The following BRAP variants were observed in gnomAD, a reference collection of about 807,000 sequenced individuals.
The protein encoded by BRAP is BRCA1 associated protein, also known as BRCA1-associated protein.
Under a neutral mutation model 73.4 loss-of-function variants are expected in BRAP, and 42 were observed. That is an observed-to-expected ratio of 0.57 (90% CI 0.45 to 0.74). BRAP has a LOEUF of 0.74. Among genes scored for constraint, BRAP ranks in the 30% least tolerant of loss-of-function variants. BRAP has a pLI of 0.00. For synonymous variants in BRAP, 255 were observed against 267.4 expected (o/e 0.95, Z 0.45); for missense variants, 593 against 751.4 (o/e 0.79, Z 2.46).
intron 10 of BRAP, among the ~76,000 whole-genome samples, chr12:111,652,910 C>T (rs923356246): frequency 3.9e-5 from 6 of 151,978 alleles, no homozygotes; most frequent in East Asian, 1.9e-4. Flanking sequence ...GGGATTTCAC[C>T]GTGTTAGCCA....
chr12:111,682,609 TG>T (rs1444989835), intron 2 of BRAP, among the ~76,000 whole-genome samples: 1 of 148,160 alleles, frequency 6.7e-6, no homozygotes, highest in Non-Finnish European at 1.5e-5. Flanking sequence ...CTGAACTAGG[TG>T]GTAAGAAATT....
intron 6 of BRAP, 32 bp from the exon 7 acceptor site, chr12:111,660,707 G>A (rs1286891168): frequency 2.5e-6 from 4 of 1,569,380 alleles, no homozygotes; most frequent in Non-Finnish European, 3.4e-6. Context: ...AATGGTGCAG[G>A]TTAAATATAA....
intron 5 of BRAP, among the ~76,000 whole-genome samples, chr12:111,668,106 C>T (rs1465088408): frequency 3.9e-5 from 6 of 152,054 alleles, no homozygotes; most frequent in Non-Finnish European, 8.8e-5. Flanking sequence ...ACTCAGGAGG[C>T]TGAGGCAGGA....
chr12:111,650,137 T>C (rs934482199), intron 10 of BRAP, 95 bp from the exon 11 acceptor site: 1 of 827,846 alleles, frequency 1.2e-6, no homozygotes, highest in Non-Finnish European at 1.8e-6. Context: ...ATTATCTGTA[T>C]ATAACTTTGA....
intron 5 of BRAP, among the ~76,000 whole-genome samples, chr12:111,671,681 C>CTTTT (rs980479092): frequency 1.5e-4 from 17 of 113,084 alleles, no homozygotes; most frequent in Non-Finnish European, 2.0e-4. Flanking sequence ...AACAGAGAGA[C>CTTTT]TTTTTTTTTT....
intron 10 of BRAP, among the ~76,000 whole-genome samples, chr12:111,650,836 T>C (rs964091187): frequency 6.6e-6 from 1 of 152,216 alleles, no homozygotes; most frequent in African/African-American, 2.4e-5. Context: ...CCATGTTCTT[T>C]TGAGTCTATT....
intron 4 of BRAP, among the ~76,000 whole-genome samples, chr12:111,676,313 G>A (rs1470691342): frequency 6.6e-6 from 1 of 152,218 alleles, no homozygotes; most frequent in Non-Finnish European, 1.5e-5. Flanking sequence ...CCCAGGCTAT[G>A]GAGTCAGGCT....
chr12:111,652,284 T>C (rs544867990), intron 10 of BRAP, among the ~76,000 whole-genome samples: 2 of 151,694 alleles, frequency 1.3e-5, no homozygotes, highest in South Asian at 4.2e-4. Flanking sequence ...AGTGCAGTGG[T>C]GCAATCTCGG....
Position 111,644,277 on chromosome 12 carries a change from G to C in BRAP, c.1701C>G (p.Ala567=). The change falls in exon 12 of 12, where the codon GCC becomes GCG. Residue 567 remains alanine (A), a synonymous_variant. Coordinates refer to ENST00000419234, the MANE Select transcript of BRAP (RefSeq NM_006768.5). ...IQEGQINIAM[A]SASSPASSGG... is the part of the protein sequence containing the mutation. ...CCGAAGAGGCAGGGCTCGAGGCCGA[G>C]GCCATGGCGATGTTGATCTGTCCCT... 1 of 1,614,124 alleles carries C rather than the reference G, an allele frequency of 6.2e-7. No individual in the cohort carries two copies. The highest frequency in any genetic ancestry group is 8.5e-7 in the Non-Finnish European group (1 of 1,180,042).
Position 111,660,694 on chromosome 12 carries a change from G to C in BRAP, c.897-19C>G. The C allele has an allele frequency of 6.3e-7, 1 of 1,588,540 alleles. No homozygotes were observed. The highest frequency in any genetic ancestry group is 8.5e-7 in the Non-Finnish European group (1 of 1,169,634). ...AGGACACCTATCCAGGACACCAAAA[G>C]ATAATGGTGCAGGTTAAATATAAAA... On this transcript the variant is annotated intron_variant, in intron 6 of 11. Coordinates refer to ENST00000419234, the MANE Select transcript of BRAP (RefSeq NM_006768.5).
At chr12:111,661,746 C>T (rs1423697848) in intron 6 of BRAP, among the ~76,000 whole-genome samples, 3 of 147,190 alleles carry the variant, frequency 2.0e-5, no homozygotes, top group African/African-American at 7.6e-5. Flanking sequence ...GAGTCCTGCT[C>T]TGTCACTCAG....
chr12:111,659,555 G>A (rs937641273), intron 7 of BRAP, among the ~76,000 whole-genome samples: 3 of 152,204 alleles, frequency 2.0e-5, no homozygotes, highest in Non-Finnish European at 2.9e-5. Context: ...TCAGGAGGCT[G>A]AGGCAAGAGA....
chr12:111,664,829 C>T (rs796917813), intron 6 of BRAP, among the ~76,000 whole-genome samples: 22 of 152,276 alleles, frequency 1.4e-4, no homozygotes, highest in African/African-American at 4.3e-4. Context: ...GCTCTTTACC[C>T]GGCTTAACTC....
In BRAP at chr12:111,659,352, G is replaced by A; in HGVS notation, c.973-7C>T. On this transcript the variant is annotated splice_polypyrimidine_tract_variant and splice_region_variant and intron_variant, in intron 7 of 11. Transcript: ENST00000419234. Reference sequence around the variant, plus strand: ...TTAAACAAATCCAAAGATTCTGCCGGAAGAGGTAAGATCTTAATTAGTTAA... The same window carrying A: ...TTAAACAAATCCAAAGATTCTGCCGAAAGAGGTAAGATCTTAATTAGTTAA... 1 of 1,610,618 alleles carries A rather than the reference G, an allele frequency of 6.2e-7. No individual in the cohort carries two copies. Among genetic ancestry groups the A allele is most frequent in the Non-Finnish European group, 8.5e-7 (1 of 1,177,984 alleles).
At chr12:111,658,703 A>G in intron 9 of BRAP, 33 bp downstream of exon 9, 1 of 1,389,982 alleles carries the variant, frequency 7.2e-7, no homozygotes, top group Non-Finnish European at 1.0e-6. Context: ...AGCAGTAGAA[A>G]CAGATAGAGT....
intron 4 of BRAP, among the ~76,000 whole-genome samples, chr12:111,676,186 CTT>C (rs1310808955): frequency 1.3e-5 from 2 of 152,046 alleles, no homozygotes; most frequent in African/African-American, 4.8e-5. Context: ...CCTCACAACT[CTT>C]TCAGCTAAAG....
rs749463884 is a variant in BRAP at position 111,643,883 on chromosome 12, C to T, written c.*316G>A. The T allele has an allele frequency of 9.3e-5, 28 of 301,062 alleles. No individual in the cohort carries two copies. Among genetic ancestry groups the T allele is most frequent in the African/African-American group, 1.9e-4 (9 of 46,892 alleles). The allele number at this position is 301,062 out of a possible 1,614,324, so 18.6% of individuals were successfully genotyped here. A position where few individuals can be genotyped will look rare whatever the true frequency, so the allele number is the denominator to read the frequency against. Reference sequence around the variant, plus strand: ...CTACCCCAGAACTGAATGTCAAATACGCCAACTCCATAAATACAATGGAAA... The same window carrying T: ...CTACCCCAGAACTGAATGTCAAATATGCCAACTCCATAAATACAATGGAAA... On this transcript the variant is annotated 3_prime_UTR_variant, in exon 12 of 12. Transcript: ENST00000419234.
intron 4 of BRAP, among the ~76,000 whole-genome samples, chr12:111,674,792 G>A (rs1286967112): frequency 6.6e-6 from 1 of 152,186 alleles, no homozygotes; most frequent in Non-Finnish European, 1.5e-5. Flanking sequence ...TTCTTCAGGA[G>A]CAACGGTTTC....
intron 2 of BRAP, 52 bp from the exon 3 acceptor site, chr12:111,681,887 A>G: frequency 6.7e-7 from 1 of 1,496,018 alleles, no homozygotes; most frequent in Non-Finnish European, 9.0e-7. Context: ...CATATGCTGA[A>G]GGATTTGAAC....
Sources: gnomAD v4.1 joint callset for allele counts (sites outside exome capture counted in the v4.1 genomes callset) on GRCh38, gnomAD v4.1.1 for gene constraint, MANE v1.5 for transcripts, NCBI Gene and HGNC (gene_info 2026-07-23, HGNC 2026-07-21) for gene names.